Variants in CBLB observed in about 807,000 individuals in gnomAD.
The protein encoded by CBLB is Cbl proto-oncogene B.
CBLB carries 31 observed loss-of-function variants against 104.9 expected under a neutral mutation model. The ratio of observed to expected loss-of-function variants is 0.30; its 90% CI spans 0.22 to 0.40. CBLB has a LOEUF of 0.40. Ranked by LOEUF, CBLB falls within the 10% of genes least tolerant of loss-of-function variation. The pLI, the probability that CBLB is intolerant of heterozygous loss-of-function variation, is 1.00. For synonymous variants in CBLB, 440 were observed against 422.6 expected, an observed-to-expected ratio of 1.04 and a Z score of -0.51; for missense variants, 1,062 against 1,214.6, an observed-to-expected ratio of 0.87 and a Z score of 1.87.
At chr3:105,827,408 T>C (rs2086757116) in intron 3 of CBLB, among the ~76,000 whole-genome samples, 1 of 152,134 alleles carries the variant, frequency 6.6e-6, no homozygotes, top group Non-Finnish European at 1.5e-5. Flanking sequence ...GTCTAAAAGG[T>C]TGCAAAGCAC....
chr3:105,661,186 T>C (rs925438942), intron 18 of CBLB, among the ~76,000 whole-genome samples: 1 of 152,212 alleles, frequency 6.6e-6, no homozygotes, highest in African/African-American at 2.4e-5. Context: ...AGACAATGTA[T>C]ATTAAAGTAT....
chr3:105,749,413 T>C (rs1432087784), intron 5 of CBLB, among the ~76,000 whole-genome samples: 1 of 152,190 alleles, frequency 6.6e-6, no homozygotes, highest in Non-Finnish European at 1.5e-5. Context: ...ATAAGATATA[T>C]ATTCCTTAGA....
intron 3 of CBLB, among the ~76,000 whole-genome samples, chr3:105,788,197 T>A (rs1227165779): frequency 6.6e-6 from 1 of 152,196 alleles, no homozygotes; most frequent in Non-Finnish European, 1.5e-5. Flanking sequence ...AATAATGTGA[T>A]CCAAATATCT....
intron 3 of CBLB, among the ~76,000 whole-genome samples, chr3:105,804,895 T>C (rs1250101275): frequency 6.6e-6 from 1 of 152,088 alleles, no homozygotes; most frequent in Non-Finnish European, 1.5e-5. Context: ...TGGGAGAGTA[T>C]CCCATCTCTA....
intron 3 of CBLB, among the ~76,000 whole-genome samples, chr3:105,842,627 G>A (rs931931462): frequency 2.0e-5 from 3 of 152,144 alleles, no homozygotes; most frequent in African/African-American, 7.2e-5. Context: ...TAAGGTACTG[G>A]GACAGCTTTG....
chr3:105,698,892 G>A (rs2152770973), intron 12 of CBLB, among the ~76,000 whole-genome samples: 1 of 152,010 alleles, frequency 6.6e-6, no homozygotes, highest in East Asian at 1.9e-4. Context: ...CTACTCTTCT[G>A]CAGAGGAACA....
intron 6 of CBLB, among the ~76,000 whole-genome samples, chr3:105,744,674 G>A (rs552381329): frequency 1.3e-5 from 2 of 152,110 alleles, no homozygotes; most frequent in Admixed American, 1.3e-4. Flanking sequence ...GCTCACGCCT[G>A]TAATCCCAGC....
intron 5 of CBLB, among the ~76,000 whole-genome samples, chr3:105,747,807 G>A (rs759655119): frequency 2.0e-5 from 3 of 151,018 alleles, no homozygotes; most frequent in Admixed American, 2.0e-4. Context: ...CAAATTAGTG[G>A]AAGAGTGTTT....
chr3:105,789,386 A>T (rs1025885), intron 3 of CBLB, among the ~76,000 whole-genome samples: 149,192 of 152,300 alleles, frequency 0.98, 73,154 homozygotes, highest in East Asian at 1. Context: ...AAATTTTACA[A>T]GTTCTGTATT....
Position 105,737,171 on chromosome 3 carries a change from C to T in CBLB, c.1071G>A (p.Gln357=). 6.7e-7 allele frequency: 1 copy of T among 1,503,470 alleles called. No individual in the cohort carries two copies. The highest frequency in any genetic ancestry group is 9.2e-7 in the Non-Finnish European group (1 of 1,084,202). The allele number at this position is 1,503,470 out of a possible 1,614,324, so 93.1% of individuals were successfully genotyped here. The change falls in exon 8 of 19, where the codon CAG becomes CAA. Residue 357 remains glutamine (Q), a splice_region_variant and synonymous_variant. Coordinates refer to ENST00000394030, the MANE Select transcript of CBLB (RefSeq NM_170662.5). The part of the protein sequence containing the change: ...PTPHDHIKVT[Q]EQYELYCEMG... ...ATACTTTTCTAGCAATTATCCTTAC[C>T]TGTGTAACTTTTATATGGTCATGAG... is the stretch of plus-strand genomic sequence containing the variant.
At chr3:105,780,647 AGTTTTGTTTTTT>A (rs1299088037) in intron 3 of CBLB, among the ~76,000 whole-genome samples, 10 of 122,786 alleles carry the variant, frequency 8.1e-5, no homozygotes, top group African/African-American at 2.7e-4. Context: ...TTACAATAAA[AGTTTTGTTTTTT>A]GTTTTTTTTT....
intron 2 of CBLB, among the ~76,000 whole-genome samples, chr3:105,866,790 C>T (rs1478625610): frequency 6.6e-6 from 1 of 152,132 alleles, no homozygotes; most frequent in Non-Finnish European, 1.5e-5. Context: ...CTCACCACCC[C>T]CAACATAAAT....
Position 105,681,758 on chromosome 3 carries a change from T to C in CBLB, c.2262A>G (p.Lys754=). ...NGTHGPSSEK[K]SNIPDLSIYL... The stretch of plus-strand genomic sequence containing the variant: ...ATATGCTTAAGTCAGGGATGTTTGA[T>C]TTCTTCTCTGAAGATGGACCATGTG... The change falls in exon 15 of 19, where the codon AAA becomes AAG. Residue 754 remains lysine, a synonymous_variant. Transcript: ENST00000394030. The C allele has an allele frequency of 6.2e-7, 1 of 1,611,254 alleles. No individual in the cohort carries two copies. Among genetic ancestry groups the C allele is most frequent in the South Asian group, 1.1e-5 (1 of 91,024 alleles).
intron 9 of CBLB, among the ~76,000 whole-genome samples, chr3:105,726,041 G>C (rs970086467): frequency 2.0e-5 from 3 of 151,986 alleles, no homozygotes; most frequent in Admixed American, 1.3e-4. Flanking sequence ...GTAGAAACAG[G>C]GTTCGCCATG....
intron 10 of CBLB, among the ~76,000 whole-genome samples, chr3:105,717,361 C>T (rs945514943): frequency 2.6e-5 from 4 of 152,094 alleles, no homozygotes; most frequent in Admixed American, 2.6e-4. Flanking sequence ...CTCCATTATC[C>T]ATCCATTCAA....
intron 12 of CBLB, among the ~76,000 whole-genome samples, chr3:105,697,663 TACA>T (rs1186961149): frequency 2.0e-5 from 3 of 151,950 alleles, no homozygotes; most frequent in South Asian, 2.1e-4. Flanking sequence ...CCACCAAAAG[TACA>T]ACAAGCCACA....
At chr3:105,718,569 G>A (rs561602774) in intron 10 of CBLB, among the ~76,000 whole-genome samples, 18 of 152,206 alleles carry the variant, frequency 1.2e-4, no homozygotes, top group African/African-American at 3.6e-4. Flanking sequence ...AGATGAATAC[G>A]GTGAATACAA....
chr3:105,704,546 T>C (rs1459030171), intron 10 of CBLB, among the ~76,000 whole-genome samples: 4 of 152,134 alleles, frequency 2.6e-5, no homozygotes, highest in Non-Finnish European at 5.9e-5. Flanking sequence ...ATTATAAATT[T>C]TTTTGCTCGA....
intron 3 of CBLB, 74 bp downstream of exon 3, chr3:105,853,340 C>T (rs1048661642): frequency 2.9e-5 from 43 of 1,463,510 alleles, no homozygotes; most frequent in South Asian, 2.6e-4. Flanking sequence ...TACATGGTGA[C>T]GTTTAGGTTA....
Sources: gnomAD v4.1 joint callset for allele counts (sites outside exome capture counted in the v4.1 genomes callset) on GRCh38, gnomAD v4.1.1 for gene constraint, MANE v1.5 for transcripts, NCBI Gene and HGNC (gene_info 2026-07-23, HGNC 2026-07-21) for gene names.